Variants in GOLGB1 observed in about 807,000 individuals in gnomAD.
GOLGB1 encodes golgin B1, also known as golgin subfamily B member 1.
GOLGB1 carries 174 observed loss-of-function variants against 336.9 expected under a neutral mutation model. The observed-to-expected ratio is 0.52, with a 90% CI of 0.46 to 0.59. The LOEUF (loss-of-function observed/expected upper bound fraction) is 0.59, where lower values mean the gene tolerates loss of function less well. Among genes scored for constraint, GOLGB1 ranks in the 20% least tolerant of loss-of-function variants. The pLI is 0.00. For missense variants in GOLGB1, 3,331 were observed against 3,645.3 expected (o/e 0.91, Z 2.22); for synonymous variants, 1,208 against 1,289.2 (o/e 0.94, Z 1.35).
At position 121,695,220 on chromosome 3, in the gene GOLGB1, A is replaced by G; in HGVS notation, c.5303T>C (p.Ile1768Thr). ...SEEVQDLKHQ[I>T]EGNVSKQANL... The stretch of plus-strand genomic sequence containing the variant: ...AGCTTGTTTAGATACATTACCTTCT[A>G]TCTGATGCTTTAAATCTTGAACCTC... Residue 1768 changes from isoleucine to threonine, a missense_variant, in exon 13 of 22, where the codon ATA becomes ACA. Physicochemically the swap from Ile to Thr is moderately conservative, Grantham distance 89. Coordinates refer to ENST00000614479, the MANE Select transcript of GOLGB1 (RefSeq NM_001366282.2). 1 of 1,612,876 alleles carries G rather than the reference A, an allele frequency of 6.2e-7. No homozygotes were observed. The highest frequency in any genetic ancestry group is 8.5e-7 in the Non-Finnish European group (1 of 1,179,708).
rs1304896628 is a variant in GOLGB1, at chr3:121,691,204, C to G, written c.8160G>C (p.Met2720Ile). 1 of 1,613,714 alleles carries G rather than the reference C, an allele frequency of 6.2e-7. No homozygotes were observed. Among genetic ancestry groups the G allele is most frequent in the South Asian group, 1.1e-5 (1 of 90,972 alleles). Residue 2720 changes from methionine to isoleucine, a missense_variant, in exon 14 of 22, where the codon ATG (methionine) becomes ATC (isoleucine). Transcript: ENST00000614479. ...VAELARDLVEMEQKLLMVTKE... is the reference protein window; with the variant it reads ...VAELARDLVEIEQKLLMVTKE... ...TGGTGACCATGAGTAATTTCTGTTC[C>G]ATCTCCACCAAATCTCTTGCTAGCT...
In GOLGB1 at chr3:121,691,518, T is replaced by G. The variant is rs116186804; in HGVS notation, c.7846A>C (p.Ile2616Leu). Residue 2616 changes from isoleucine (I) to leucine (L), a missense_variant, in exon 14 of 22, where the codon ATA becomes CTA. Transcript: ENST00000614479. ...SKEIESLKVS[I>L]SQLTRQVTAL... ...GTTACTTGTCTTGTTAGCTGGGATA[T>G]AGATACTTTCAAACTCTCAATCTCT... is the stretch of plus-strand genomic sequence containing the variant. The G allele has an allele frequency of 1.2e-6, 2 of 1,612,536 alleles. No individual in the cohort carries two copies. Among genetic ancestry groups the G allele is most frequent in the South Asian group, 2.2e-5 (2 of 90,652 alleles).
rs147145432 is a variant in GOLGB1, at chr3:121,664,611, G to C, written c.9664C>G (p.Arg3222Gly). ...DLTSNSCRRT[R>G]SGVGWKRVLR... ...ACTCGCTTCCATCCAACGCCACTCCGGGTCTGAAAGAAAAATGTGAAAGTC... is the reference window on the plus strand; with the variant it reads ...ACTCGCTTCCATCCAACGCCACTCCCGGTCTGAAAGAAAAATGTGAAAGTC... The change falls in exon 22 of 22, where the codon CGG (arginine) becomes GGG (glycine). Residue 3222 changes from arginine (R) to glycine (G), a missense_variant. Transcript: ENST00000614479. 6.2e-7 allele frequency: 1 copy of C among 1,613,716 alleles called. No individual in the cohort carries two copies. Among genetic ancestry groups the C allele is most frequent in the Non-Finnish European group, 8.5e-7 (1 of 1,179,640 alleles).
Position 121,664,985 on chromosome 3 carries a change from A to G in GOLGB1, c.9601T>C (p.Ser3201Pro). Residue 3201 changes from serine to proline, a missense_variant, in exon 21 of 22, where the codon TCC becomes CCC. Transcript: ENST00000614479. ...WDSSRTPIIG[S>P]CGTQEQALLI... is the part of the protein sequence containing the mutation. The stretch of plus-strand genomic sequence containing the variant: ...AGTGCCTGCTCCTGAGTGCCACAGG[A>G]GCCAATGATAGGAGTCCGGGAAGAG... 6.8e-6 allele frequency: 11 copies of G among 1,612,116 alleles called. No individual in the cohort carries two copies. The highest frequency in any genetic ancestry group is 9.3e-6 in the Non-Finnish European group (11 of 1,178,142).
chr3:121,693,961 T>A lies in GOLGB1; in HGVS notation c.6562A>T (p.Thr2188Ser), dbSNP rs1343499383. The A allele has an allele frequency of 1.1e-5, 18 of 1,614,010 alleles. No individual in the cohort carries two copies. Among genetic ancestry groups the A allele is most frequent in the Non-Finnish European group, 1.5e-5 (18 of 1,179,970 alleles). ...GTAAAGGCTGCAAGCTGGGTCACAG[T>A]ACTGTCCAAGTTTTCCTGAAGTTGC... ...VQQLQENLDS[T>S]VTQLAAFTKS... The change falls in exon 13 of 22, where the codon ACT (threonine) becomes TCT (serine). Residue 2188 changes from threonine (T) to serine (S), a missense_variant. By Grantham distance (58) the Thr-to-Ser change is moderately conservative (BLOSUM62 1). Transcript: ENST00000614479.
Position 121,690,737 on chromosome 3 carries a change from G to A in GOLGB1, c.8627C>T (p.Thr2876Ile), listed in dbSNP as rs1213053401. The A allele has an allele frequency of 1.3e-6, 2 of 1,550,752 alleles. No individual in the cohort carries two copies. The highest frequency in any genetic ancestry group is 1.7e-6 in the Non-Finnish European group (2 of 1,154,514). The change falls in exon 14 of 22, where the codon ACC becomes ATC. Residue 2876 changes from threonine to isoleucine, a missense_variant. Transcript: ENST00000614479. The stretch of plus-strand genomic sequence containing the variant: ...TAAACTCTGTACTTCAGCTGGGCTG[G>A]TGGAAGGCTGAGCTGCAGACCTCTG... ...GKQRSAAQPS[T>I]SPAEVQSLKK...
chr3:121,734,745 A>G (rs1946365766), intron 1 of GOLGB1, among the ~76,000 whole-genome samples: 1 of 152,238 alleles, frequency 6.6e-6, no homozygotes, highest in Admixed American at 6.5e-5. Flanking sequence ...CAATGCCTGC[A>G]GATTAGAATA....
Position 121,690,689 on chromosome 3 carries a change from T to G in GOLGB1, c.8675A>C (p.Gln2892Pro). The G allele has an allele frequency of 1.3e-6, 2 of 1,509,724 alleles. No individual in the cohort carries two copies. Among genetic ancestry groups the G allele is most frequent in the Non-Finnish European group, 1.8e-6 (2 of 1,130,140 alleles). 93.5% of individuals were successfully genotyped at this position (1,509,724 alleles called of 1,614,324 possible). ...QSLKKAMSSL[Q>P]NDRDRLLKEL... ...ACTCACTAGTCTGTCTCTGTCATTT[T>G]GGAGTGAAGACATAGCTTTTTTTAA... The change falls in exon 14 of 22, where the codon CAA becomes CCA. Residue 2892 changes from glutamine (Q) to proline (P), a missense_variant. Physicochemically the swap from Gln to Pro is moderately conservative, Grantham distance 76. Transcript: ENST00000614479.
intron 14 of GOLGB1, among the ~76,000 whole-genome samples, chr3:121,683,053 A>ATTTTTTTTTTTGTTTTTTTTT (rs1941270586): frequency 1.2e-5 from 1 of 82,496 alleles, no homozygotes; most frequent in Non-Finnish European, 2.4e-5. Flanking sequence ...ATTTCTTTTA[A>ATTTTTTTTTTTGTTTTTTTTT]TTTTTTTTTT....
intron 1 of GOLGB1, among the ~76,000 whole-genome samples, chr3:121,743,621 T>C (rs1376279027): frequency 6.6e-6 from 1 of 152,026 alleles, no homozygotes; most frequent in East Asian, 1.9e-4. Flanking sequence ...ATAAAAAAAA[T>C]ACAGTTAATC....
intron 5 of GOLGB1, among the ~76,000 whole-genome samples, chr3:121,726,172 C>T (rs998729155): frequency 2.0e-5 from 3 of 151,056 alleles, no homozygotes; most frequent in African/African-American, 7.3e-5. Flanking sequence ...GTGGCTCACA[C>T]CTGTAATACC....
intron 17 of GOLGB1, among the ~76,000 whole-genome samples, chr3:121,671,090 A>C (rs1297914527): frequency 6.6e-6 from 1 of 152,218 alleles, no homozygotes; most frequent in East Asian, 1.9e-4. Context: ...CGTTTGTGTT[A>C]CAACTGCAAA....
Position 121,696,516 on chromosome 3 carries a change from T to C in GOLGB1, c.4007A>G (p.Glu1336Gly), listed in dbSNP as rs770116860. Residue 1336 changes from glutamate to glycine, a missense_variant, in exon 13 of 22, where the codon GAG becomes GGG. Glu to Gly is a moderately conservative substitution (Grantham distance 98). Transcript: ENST00000614479. ...TACCTCTTCTGATTTTTTAGTAAGC[T>C]CACTTGTTGTAGAACTAACTTTCAA... is the stretch of plus-strand genomic sequence containing the variant. ...LELKVSSTTS[E>G]LTKKSEEVFQ... 4 of 1,614,196 alleles carry C rather than the reference T, an allele frequency of 2.5e-6. No individual in the cohort carries two copies. The South Asian group carries it at 4.4e-5, about 18-fold the overall frequency.
chr3:121,708,729 T>C (rs1230246455), intron 10 of GOLGB1, among the ~76,000 whole-genome samples: 3 of 152,156 alleles, frequency 2.0e-5, no homozygotes, highest in Admixed American at 2.0e-4. Flanking sequence ...TTATACTTAA[T>C]AGAGCTGTTT....
intron 7 of GOLGB1, 41 bp downstream of exon 7, chr3:121,719,604 TA>T (rs370784404): frequency 0.011 from 17,664 of 1,543,600 alleles, 145 homozygotes; most frequent in South Asian, 0.018. Flanking sequence ...GATTAAATAT[TA>T]ACCAAAATGA....
In GOLGB1 at chr3:121,691,893, G is replaced by A. The variant is rs1191368627; in HGVS notation, c.7471C>T (p.Arg2491Ter). ...TTTTCCAAGATTATAGAGAGATGTC[G>A]CTCTTCCAGCTGTTGATAGTCACCC... Reference protein sequence around the residue: ...IVGDYQQLEERHLSIILEKDQ... With the variant: ...IVGDYQQLEE Residue 2491 changes from arginine (R) to a stop codon, truncating the protein, a stop_gained, in exon 14 of 22, where the codon CGA becomes TGA. Transcript: ENST00000614479. LOFTEE classifies it high-confidence loss of function. 5.0e-6 allele frequency: 8 copies of A among 1,613,620 alleles called. No individual in the cohort carries two copies. The highest frequency in any genetic ancestry group is 4.5e-5 in the East Asian group (2 of 44,872).
At chr3:121,713,535 G>A (rs1432365830) in intron 10 of GOLGB1, among the ~76,000 whole-genome samples, 1 of 152,206 alleles carries the variant, frequency 6.6e-6, no homozygotes, top group East Asian at 1.9e-4. Context: ...AGGACCTATT[G>A]TATGGTTAAA....
At chr3:121,668,228 A>G in intron 18 of GOLGB1, 70 bp from the exon 19 acceptor site, 1 of 883,994 alleles carries the variant, frequency 1.1e-6, no homozygotes, top group East Asian at 2.5e-5. Flanking sequence ...GCAAAATGAG[A>G]GCTCGTTTAC....
intron 15 of GOLGB1, among the ~76,000 whole-genome samples, chr3:121,678,292 A>G (rs192550889): frequency 8.5e-5 from 13 of 152,308 alleles, no homozygotes; most frequent in Middle Eastern, 3.4e-3. Context: ...AATTCCAAAA[A>G]GCATTTTGCT....
Sources: allele counts gnomAD v4.1 joint callset (sites outside exome capture counted in the v4.1 genomes callset), GRCh38; gene constraint gnomAD v4.1.1; transcripts MANE v1.5; gene names NCBI Gene and HGNC (gene_info 2026-07-23, HGNC 2026-07-21).